Variants in TRAPPC9 observed in about 807,000 individuals in gnomAD.
The protein encoded by TRAPPC9 is trafficking protein particle complex subunit 9.
In TRAPPC9, 83 loss-of-function variants were observed where a neutral mutation model predicts 124.0. That is an observed-to-expected ratio of 0.67 (90% CI 0.56 to 0.80). TRAPPC9 has a LOEUF of 0.80. Ranked by LOEUF, TRAPPC9 falls within the 30% of genes least tolerant of loss-of-function variation. The pLI is 0.00. For missense variants in TRAPPC9, 1,302 were observed against 1,508.3 expected (o/e 0.86, Z 2.27); for synonymous variants, 638 against 617.5 (o/e 1.03, Z -0.49).
chr8:140,132,708 C>T (rs955802482), intron 17 of TRAPPC9, among the ~76,000 whole-genome samples: 8 of 152,126 alleles, frequency 5.3e-5, no homozygotes, highest in Non-Finnish European at 7.3e-5. Flanking sequence ...AATGACAAGA[C>T]GCTGATGAGG....
intron 2 of TRAPPC9, among the ~76,000 whole-genome samples, chr8:140,447,181 G>T (rs1431126713): frequency 6.6e-6 from 1 of 152,108 alleles, no homozygotes; most frequent in African/African-American, 2.4e-5. Flanking sequence ...AAGAATAAAG[G>T]CTGGTGTGTC....
chr8:140,137,407 T>C (rs1030753702), intron 17 of TRAPPC9, among the ~76,000 whole-genome samples: 1 of 152,208 alleles, frequency 6.6e-6, no homozygotes, highest in Non-Finnish European at 1.5e-5. Context: ...TCACTCATCA[T>C]AGAGATGAGT....
intron 21 of TRAPPC9, among the ~76,000 whole-genome samples, chr8:139,847,814 C>T (rs544099793): frequency 4.7e-5 from 7 of 149,486 alleles, no homozygotes; most frequent in Admixed American, 3.3e-4. Context: ...GCCTTCCTGA[C>T]GGCCCGGCCT....
At chr8:140,355,639 C>G (rs1035332214) in intron 9 of TRAPPC9, among the ~76,000 whole-genome samples, 1 of 152,156 alleles carries the variant, frequency 6.6e-6, no homozygotes, top group Non-Finnish European at 1.5e-5. Flanking sequence ...GATCACAGCA[C>G]TGGGGGGGAA....
At chr8:139,888,348 A>T (rs542458839) in intron 20 of TRAPPC9, among the ~76,000 whole-genome samples, 24 of 152,306 alleles carry the variant, frequency 1.6e-4, no homozygotes, top group Middle Eastern at 3.4e-3. Context: ...TAATTTACTT[A>T]AAGTCCCTGG....
At chr8:139,947,868 C>CAA (rs34765655) in intron 19 of TRAPPC9, among the ~76,000 whole-genome samples, 8 of 60,380 alleles carry the variant, frequency 1.3e-4, no homozygotes, top group South Asian at 1.1e-3. Context: ...AATTCCGTCT[C>CAA]AAAAAAAAAA....
chr8:139,753,998 T>C (rs1380513680), intron 21 of TRAPPC9, among the ~76,000 whole-genome samples: 1 of 152,216 alleles, frequency 6.6e-6, no homozygotes. Flanking sequence ...ATTTGCTGAA[T>C]CAAACTGACT....
intron 2 of TRAPPC9, among the ~76,000 whole-genome samples, chr8:140,443,415 G>A (rs895448786): frequency 3.5e-4 from 53 of 150,026 alleles, no homozygotes; most frequent in African/African-American, 1.1e-3. Flanking sequence ...CAGCGTGGGC[G>A]ACAGAGCAAG....
chr8:140,064,140 T>C (rs1263290204), intron 17 of TRAPPC9, among the ~76,000 whole-genome samples: 1 of 152,152 alleles, frequency 6.6e-6, no homozygotes, highest in Non-Finnish European at 1.5e-5. Flanking sequence ...CCAACTCGAC[T>C]GTTACACTTG....
chr8:140,041,569 C>T lies in TRAPPC9; in HGVS notation c.2557-17490G>A, dbSNP rs112331974. Among the ~76,000 whole-genome samples, 475 of 152,376 alleles carry T rather than the reference C, an allele frequency of 3.1e-3. 3 individuals are homozygous for T. Among genetic ancestry groups the T allele is most frequent in the African/African-American group, 0.011 (448 of 41,600 alleles). ...GGCCTGTGTTCCACCCTAGCCCTGC[C>T]CATCACCCAACCCCTTCTGCAGGGG... On this transcript the variant is annotated intron_variant, in intron 17 of 22. Transcript: ENST00000438773.
At chr8:139,858,378 GCCCA>G (rs1827929445) in intron 21 of TRAPPC9, among the ~76,000 whole-genome samples, 1 of 152,212 alleles carries the variant, frequency 6.6e-6, no homozygotes, top group Admixed American at 6.5e-5. Flanking sequence ...CGGGGCCTCC[GCCCA>G]GCTGCTGAGA....
At chr8:140,309,078 G>A (rs73714858) in intron 10 of TRAPPC9, among the ~76,000 whole-genome samples, 1,795 of 152,172 alleles carry the variant, frequency 0.012, 45 homozygotes, top group African/African-American at 0.042. Context: ...TTGCCCAAAC[G>A]GTAGACTGTT....
At chr8:140,346,265 C>G (rs903336075) in intron 9 of TRAPPC9, among the ~76,000 whole-genome samples, 2 of 152,174 alleles carry the variant, frequency 1.3e-5, no homozygotes, top group Non-Finnish European at 2.9e-5. Context: ...ATCTCCCCAG[C>G]CAGTTTCTCC....
intron 21 of TRAPPC9, among the ~76,000 whole-genome samples, chr8:139,749,417 C>T (rs1453688078): frequency 6.6e-6 from 1 of 152,212 alleles, no homozygotes; most frequent in Non-Finnish European, 1.5e-5. Context: ...GCCTCAGCGT[C>T]CCCATTGTCA....
At chr8:139,934,049 A>G (rs1243458913) in intron 19 of TRAPPC9, 1 of 152,222 alleles carries the variant, frequency 6.6e-6, no homozygotes, top group Non-Finnish European at 1.5e-5. Context: ...ACTACGTTAT[A>G]GAAACCTCTG....
chr8:140,145,329 A>G (rs759183192), intron 17 of TRAPPC9, among the ~76,000 whole-genome samples: 9 of 151,816 alleles, frequency 5.9e-5, no homozygotes, highest in Non-Finnish European at 1.2e-4. Context: ...AGAAATTCCA[A>G]GCAGAAGCAT....
chr8:140,134,784 T>C (rs1350976762), intron 17 of TRAPPC9, among the ~76,000 whole-genome samples: 4 of 152,144 alleles, frequency 2.6e-5, no homozygotes, highest in African/African-American at 9.7e-5. Context: ...GACTTGTCAA[T>C]AACACAAGCA....
At chr8:140,134,735 A>C (rs554054415) in intron 17 of TRAPPC9, among the ~76,000 whole-genome samples, 2 of 152,252 alleles carry the variant, frequency 1.3e-5, no homozygotes, top group African/African-American at 2.4e-5. Flanking sequence ...TAAAACCATA[A>C]AACTTTCAGA....
chr8:140,413,143 C>T (rs1261598055), intron 5 of TRAPPC9, among the ~76,000 whole-genome samples: 1 of 152,194 alleles, frequency 6.6e-6, no homozygotes, highest in Admixed American at 6.5e-5. Flanking sequence ...AATCCCAGCA[C>T]TTTGGGAGGC....
Sources: allele counts gnomAD v4.1 joint callset (sites outside exome capture counted in the v4.1 genomes callset), GRCh38; gene constraint gnomAD v4.1.1; transcripts MANE v1.5; gene names NCBI Gene and HGNC (gene_info 2026-07-23, HGNC 2026-07-21).